OPHN1: variants seen among roughly 807,000 people sequenced by gnomAD.
OPHN1 encodes the protein oligophrenin 1, also known as oligophrenin-1.
OPHN1 carries 11 observed loss-of-function variants against 60.7 expected under a neutral mutation model. That is an observed-to-expected ratio of 0.18 (90% CI 0.11 to 0.30). The LOEUF (loss-of-function observed/expected upper bound fraction) is 0.30. Ranked by LOEUF, OPHN1 falls within the 10% of genes least tolerant of loss-of-function variation. The probability of loss-of-function intolerance (pLI) is 1.00; values close to 1 mark genes in which losing one functional copy is unlikely to be tolerated. For missense variants in OPHN1, 449 were observed against 611.0 expected (o/e 0.73, Z 2.80); for synonymous variants, 226 against 222.6 (o/e 1.02, Z -0.14).
intron 15 of OPHN1, among the ~76,000 whole-genome samples, chrX:68,121,783 A>G (rs1205273429): frequency 9.4e-6 from 1 of 106,097 alleles, no homozygotes; most frequent in Non-Finnish European, 1.9e-5. Context: ...GCTTGAGGAA[A>G]AGAGGGGGCA....
chrX:68,353,893 C>A (rs932882406), intron 2 of OPHN1, among the ~76,000 whole-genome samples: 1 of 111,224 alleles, frequency 9.0e-6, no homozygotes, highest in Non-Finnish European at 1.9e-5. Flanking sequence ...AGTACTAAAA[C>A]AAAATATACA....
At chrX:68,249,348 G>A (rs778091730) in intron 5 of OPHN1, among the ~76,000 whole-genome samples, 32 of 112,010 alleles carry the variant, frequency 2.9e-4, no homozygotes, top group African/African-American at 9.7e-4. Flanking sequence ...TGATGCAAGA[G>A]CAACTGCCCA....
In OPHN1 at chrX:68,415,952, T is replaced by C. The variant is rs769915164; in HGVS notation, c.154+16915A>G. On this transcript the variant is annotated intron_variant, in intron 2 of 24. Coordinates refer to ENST00000355520, the MANE Select transcript of OPHN1 (RefSeq NM_002547.3). ...ATTGCTCGAACCCAGGAGGTGGAGG[T>C]TGCAATGAGCTGAGATCGTGCCACT... is the stretch of plus-strand genomic sequence containing the variant. Among the ~76,000 whole-genome samples, 647 of 103,425 alleles carry C rather than the reference T, an allele frequency of 6.3e-3. 7 individuals are homozygous for C. Among genetic ancestry groups the C allele is most frequent in the African/African-American group, 0.023 (621 of 27,516 alleles). The allele number at this position is 103,425 out of a possible 115,157, so 89.8% of individuals were successfully genotyped here.
chrX:68,317,534 AG>A (rs1428103737), intron 2 of OPHN1, among the ~76,000 whole-genome samples: 14,512 of 75,931 alleles, frequency 0.19, 1,972 homozygotes, highest in African/African-American at 0.47. Flanking sequence ...AAAGAAAGAA[AG>A]AAAAAAAGAA....
At chrX:68,183,403 C>A (rs1020506494) in intron 15 of OPHN1, among the ~76,000 whole-genome samples, 1 of 111,919 alleles carries the variant, frequency 8.9e-6, no homozygotes, top group Non-Finnish European at 1.9e-5. Flanking sequence ...TCTGCCCTCC[C>A]TCTATTTGCC....
intron 23 of OPHN1, among the ~76,000 whole-genome samples, chrX:68,049,982 C>T (rs748563901): frequency 8.9e-6 from 1 of 112,214 alleles, no homozygotes; most frequent in South Asian, 3.8e-4. Flanking sequence ...CATTCAAACG[C>T]TAGGCCGTAG....
chrX:68,227,517 C>T (rs146827556), intron 6 of OPHN1, among the ~76,000 whole-genome samples: 20,952 of 110,417 alleles, frequency 0.19, 1,713 homozygotes, highest in African/African-American at 0.31. Context: ...TAAAGCAGTC[C>T]TCAGCACATG....
At chrX:68,257,447 G>C (rs909553786) in intron 5 of OPHN1, among the ~76,000 whole-genome samples, 1 of 112,161 alleles carries the variant, frequency 8.9e-6, no homozygotes, top group Non-Finnish European at 1.9e-5. Context: ...TTTGTAGCCT[G>C]TGTGACCTTG....
chrX:68,214,356 G>A (rs912568524), intron 6 of OPHN1, among the ~76,000 whole-genome samples: 2 of 112,377 alleles, frequency 1.8e-5, no homozygotes, highest in Non-Finnish European at 3.8e-5. Flanking sequence ...CCCAAGAACA[G>A]AAGCATGCTA....
intron 3 of OPHN1, among the ~76,000 whole-genome samples, chrX:68,295,032 G>A (rs2078087943): frequency 9.0e-6 from 1 of 111,455 alleles, no homozygotes; most frequent in South Asian, 3.8e-4. Flanking sequence ...CTGTCCTGGG[G>A]TTACAAAATG....
rs1329885712 is a variant in OPHN1, at chrX:68,331,050, C to T, written c.155-31954G>A. On this transcript the variant is annotated intron_variant, in intron 2 of 24. Coordinates refer to ENST00000355520, the MANE Select transcript of OPHN1 (RefSeq NM_002547.3). ...TAATATATATCTCATATATAATATA[C>T]ATAAGATGTATAATTCTGTAAAAGT... Among the ~76,000 whole-genome samples the T allele has an allele frequency of 4.9e-5, 5 of 102,993 alleles. No homozygotes were observed. The Admixed American group carries it at 5.6e-4, about 11-fold the overall frequency. The allele number at this position is 102,993 out of a possible 115,157, so 89.4% of individuals were successfully genotyped here. A position where few individuals can be genotyped will look rare whatever the true frequency, so the allele number is the denominator to read the frequency against.
chrX:68,076,286 T>C (rs12013576), intron 19 of OPHN1, among the ~76,000 whole-genome samples: 26,566 of 109,545 alleles, frequency 0.24, 2,597 homozygotes, highest in Middle Eastern at 0.3. Context: ...TGAACACCTA[T>C]TAGAATGGTT....
intron 15 of OPHN1, among the ~76,000 whole-genome samples, chrX:68,171,090 CTAAT>C (rs1466150782): frequency 8.5e-4 from 94 of 110,548 alleles, no homozygotes; most frequent in African/African-American, 3.1e-3. Flanking sequence ...TAGTAATAAT[CTAAT>C]TATACATTTT....
intron 15 of OPHN1, 112 bp downstream of exon 15, chrX:68,192,807 C>CT: frequency 1.5e-6 from 1 of 645,331 alleles, no homozygotes. Context: ...TTAGAAAATA[C>CT]TTTTTTCAAC....
At chrX:68,315,361 T>G (rs1408723042) in intron 2 of OPHN1, among the ~76,000 whole-genome samples, 2 of 111,794 alleles carry the variant, frequency 1.8e-5, no homozygotes, top group Non-Finnish European at 3.8e-5. Context: ...TCTCGATTTA[T>G]GCGAAGTCAT....
At chrX:68,165,671 T>C (rs2077354899) in intron 15 of OPHN1, among the ~76,000 whole-genome samples, 1 of 111,948 alleles carries the variant, frequency 8.9e-6, no homozygotes, top group Admixed American at 9.5e-5. Flanking sequence ...GCACATGCTG[T>C]TGAAAAAATG....
At chrX:68,058,095 C>A (rs919364130) in intron 21 of OPHN1, among the ~76,000 whole-genome samples, 1 of 111,320 alleles carries the variant, frequency 9.0e-6, no homozygotes, top group Non-Finnish European at 1.9e-5. Context: ...AATGTTAGAC[C>A]CAGCTGACTT....
chrX:68,390,197 A>G (rs1175098910), intron 2 of OPHN1, among the ~76,000 whole-genome samples: 1 of 111,869 alleles, frequency 8.9e-6, no homozygotes, highest in Non-Finnish European at 1.9e-5. Context: ...CTATAATTCA[A>G]GATGATATTT....
intron 15 of OPHN1, among the ~76,000 whole-genome samples, chrX:68,145,298 C>G (rs1200570946): frequency 8.9e-6 from 1 of 111,785 alleles, no homozygotes; most frequent in Non-Finnish European, 1.9e-5. Context: ...TCACCTATCA[C>G]AAACTGTTAT....
Sources: gnomAD v4.1 joint callset for allele counts (sites outside exome capture counted in the v4.1 genomes callset) on GRCh38, gnomAD v4.1.1 for gene constraint, MANE v1.5 for transcripts, NCBI Gene and HGNC (gene_info 2026-07-23, HGNC 2026-07-21) for gene names.